The following UBE4B variants were observed in gnomAD, a reference collection of about 807,000 sequenced individuals.
UBE4B encodes ubiquitination factor E4B.
UBE4B carries 27 observed loss-of-function variants against 148.1 expected under a neutral mutation model. The observed-to-expected ratio is 0.18, with a 90% confidence interval of 0.13 to 0.25. The LOEUF (loss-of-function observed/expected upper bound fraction) is 0.25. Ranked by LOEUF, UBE4B falls within the 10% of genes least tolerant of loss-of-function variation. UBE4B has a pLI of 1.00. For synonymous variants in UBE4B, 596 were observed against 619.3 expected (o/e 0.96, Z 0.56); for missense variants, 1,170 against 1,662.4 (o/e 0.70, Z 5.15).
chr1:10,108,680 C>T (rs1256281126), intron 7 of UBE4B, among the ~76,000 whole-genome samples: 2 of 152,062 alleles, frequency 1.3e-5, no homozygotes, highest in East Asian at 3.8e-4. Flanking sequence ...TTAGAGAATA[C>T]GTAAAGAGAC....
intron 17 of UBE4B, among the ~76,000 whole-genome samples, chr1:10,138,340 G>A (rs550619371): frequency 2.0e-5 from 3 of 151,838 alleles, no homozygotes; most frequent in Admixed American, 1.3e-4. Context: ...CTCGTGATCC[G>A]CCCGCCTCAG....
intron 1 of UBE4B, among the ~76,000 whole-genome samples, chr1:10,052,719 T>G (rs993496494): frequency 6.6e-6 from 1 of 152,212 alleles, no homozygotes; most frequent in Non-Finnish European, 1.5e-5. Flanking sequence ...GTCTTGGTTG[T>G]CATTGACTTT....
intron 1 of UBE4B, among the ~76,000 whole-genome samples, chr1:10,062,098 C>T (rs760645445): frequency 6.6e-6 from 1 of 151,546 alleles, no homozygotes; most frequent in Non-Finnish European, 1.5e-5. Flanking sequence ...TTAGTAGAGA[C>T]GGTGTTTCAC....
intron 1 of UBE4B, chr1:10,059,407 A>G (rs191370750): frequency 4.8e-6 from 1 of 207,638 alleles, no homozygotes; most frequent in East Asian, 1.1e-4. Flanking sequence ...TGAAGAAATA[A>G]TTCCCCAGAT....
Position 10,103,011 on chromosome 1 carries a change from C to T in UBE4B, c.499C>T (p.Arg167Cys), listed in dbSNP as rs1329700818. The T allele has an allele frequency of 1.9e-6, 3 of 1,613,700 alleles. No individual in the cohort carries two copies. The highest frequency in any genetic ancestry group is 2.5e-6 in the Non-Finnish European group (3 of 1,179,872). The change falls in exon 5 of 28, where the codon CGT (arginine) becomes TGT (cysteine). Residue 167 changes from arginine to cysteine, a missense_variant. Arg to Cys is a radical substitution (Grantham distance 180). Transcript: ENST00000343090. ...QALQLVCKIF[R>C]VSWKDRDRDV... ...CTTACAGCTGGTCTGTAAGATCTTC[C>T]GTGTCTCTTGGAAGGACCGGGACAG... is the stretch of plus-strand genomic sequence containing the variant.
chr1:10,129,244 G>GT (rs1337686880), intron 11 of UBE4B, 148 bp from the exon 12 acceptor site: 7 of 530,524 alleles, frequency 1.3e-5, no homozygotes, highest in African/African-American at 1.3e-4. Flanking sequence ...AGAAAAAGTA[G>GT]TGAAGCTGCT....
intron 1 of UBE4B, among the ~76,000 whole-genome samples, chr1:10,038,055 T>C (rs1406254489): frequency 6.6e-6 from 1 of 151,534 alleles, no homozygotes; most frequent in Non-Finnish European, 1.5e-5. Flanking sequence ...CCGAGGTGGG[T>C]GGATCACCTG....
intron 24 of UBE4B, among the ~76,000 whole-genome samples, chr1:10,170,414 G>A (rs2102030100): frequency 6.6e-6 from 1 of 152,288 alleles, no homozygotes; most frequent in Admixed American, 6.5e-5. Flanking sequence ...TGACTTAAAG[G>A]AATGCTTTCG....
chr1:10,133,187 GC>G (rs1557583746), intron 15 of UBE4B, among the ~76,000 whole-genome samples: 1 of 152,160 alleles, frequency 6.6e-6, no homozygotes, highest in East Asian at 1.9e-4. Flanking sequence ...GGAGAAAAGG[GC>G]ATCCTTCCTT....
intron 23 of UBE4B, among the ~76,000 whole-genome samples, chr1:10,166,662 G>A (rs541700849): frequency 5.3e-4 from 81 of 152,122 alleles, no homozygotes; most frequent in Non-Finnish European, 2.5e-4. Flanking sequence ...ATTGGCTCAC[G>A]CCTGTAATCC....
chr1:10,074,383 T>C (rs1644543562), intron 2 of UBE4B, among the ~76,000 whole-genome samples: 1 of 151,990 alleles, frequency 6.6e-6, no homozygotes, highest in African/African-American at 2.4e-5. Flanking sequence ...CCATTACTTT[T>C]CCCATCATGG....
chr1:10,126,307 A>ATAGG lies in UBE4B; in HGVS notation c.1555-484_1555-483insGTAG, dbSNP rs749245778. Among the ~76,000 whole-genome samples the ATAGG allele has an allele frequency of 6.2e-5, 4 of 64,710 alleles. No individual in the cohort carries two copies. In the East Asian group the frequency reaches 1.3e-3, roughly 21 times the overall value. The allele number at this position is 64,710 out of a possible 152,430, so 42.5% of individuals were successfully genotyped here. Reference sequence around the variant, plus strand: ...AGAGCGAGACTCCGTCTCAATATAGATAGATAGATAGATAGATAGATAGAT... The same window carrying ATAGG: ...AGAGCGAGACTCCGTCTCAATATAGATAGGTAGATAGATAGATAGATAGATAGAT... On this transcript the variant is annotated intron_variant, in intron 10 of 27. Transcript: ENST00000343090.
intron 25 of UBE4B, among the ~76,000 whole-genome samples, chr1:10,177,008 C>A (rs1258342799): frequency 2.0e-5 from 3 of 150,312 alleles, no homozygotes; most frequent in Admixed American, 2.0e-4. Context: ...AGGATGGTCT[C>A]GATCTCCTGA....
At chr1:10,081,848 C>T (rs567350967) in intron 2 of UBE4B, among the ~76,000 whole-genome samples, 4 of 152,214 alleles carry the variant, frequency 2.6e-5, no homozygotes, top group African/African-American at 9.6e-5. Flanking sequence ...TTCGGCCTCC[C>T]AAAGTGCTGG....
intron 14 of UBE4B, 83 bp downstream of exon 14, chr1:10,130,896 G>A: frequency 8.0e-7 from 1 of 1,243,910 alleles, no homozygotes; most frequent in South Asian, 1.2e-5. Context: ...ACTGGACTAT[G>A]CCCAGTAGAC....
At chr1:10,090,476 A>C (rs763284661) in intron 2 of UBE4B, among the ~76,000 whole-genome samples, 25 of 152,088 alleles carry the variant, frequency 1.6e-4, no homozygotes, top group Non-Finnish European at 3.7e-4. Context: ...GTCCTAAGGG[A>C]AGTTTTTAGA....
At chr1:10,115,754 A>C (rs917933128) in intron 7 of UBE4B, among the ~76,000 whole-genome samples, 1 of 152,206 alleles carries the variant, frequency 6.6e-6, no homozygotes, top group African/African-American at 2.4e-5. Flanking sequence ...CATACAGCCT[A>C]CTACACACCT....
chr1:10,041,335 CTTTTTTT>C (rs573440480), intron 1 of UBE4B, among the ~76,000 whole-genome samples: 2 of 132,146 alleles, frequency 1.5e-5, no homozygotes, highest in African/African-American at 2.8e-5. Flanking sequence ...TTTTGGCATT[CTTTTTTT>C]TTTTTTTTTT....
intron 24 of UBE4B, among the ~76,000 whole-genome samples, chr1:10,169,772 T>C (rs1646310776): frequency 6.6e-6 from 1 of 152,198 alleles, no homozygotes; most frequent in Non-Finnish European, 1.5e-5. Context: ...CCCAGCACTT[T>C]GAGAGGCCAA....
Sources: gnomAD v4.1 joint callset for allele counts (sites outside exome capture counted in the v4.1 genomes callset) on GRCh38, gnomAD v4.1.1 for gene constraint, MANE v1.5 for transcripts, NCBI Gene and HGNC (gene_info 2026-07-23, HGNC 2026-07-21) for gene names.